Variants in EYA1 observed in about 807,000 individuals in gnomAD.
EYA1 encodes protein phosphatase EYA1.
Under a neutral mutation model 82.0 loss-of-function variants are expected in EYA1, and 16 were observed. The ratio of observed to expected loss-of-function variants is 0.20; its 90% CI spans 0.13 to 0.30. The LOEUF (loss-of-function observed/expected upper bound fraction) is 0.30, where lower values mean the gene tolerates loss of function less well. EYA1 is among the 10% of genes least tolerant of loss of function. The probability of loss-of-function intolerance (pLI) is 1.00; values close to 1 mark genes in which losing one functional copy is unlikely to be tolerated. For synonymous variants in EYA1, 261 were observed against 264.4 expected, an observed-to-expected ratio of 0.99 and a Z score of 0.12; for missense variants, 633 against 730.7, an observed-to-expected ratio of 0.87 and a Z score of 1.54.
chr8:71,494,708 T>A (rs1285841587), intron 2 of EYA1, among the ~76,000 whole-genome samples: 1 of 152,164 alleles, frequency 6.6e-6, no homozygotes, highest in African/African-American at 2.4e-5. Flanking sequence ...AAGGTTTACA[T>A]GCCAAGGGTT....
chr8:71,203,939 A>G (rs1807403366), intron 17 of EYA1, among the ~76,000 whole-genome samples: 1 of 152,230 alleles, frequency 6.6e-6, no homozygotes, highest in Non-Finnish European at 1.5e-5. Flanking sequence ...GGTTTGGGAT[A>G]GCTGAATTCA....
intron 2 of EYA1, among the ~76,000 whole-genome samples, chr8:71,408,152 C>T (rs1286722291): frequency 6.6e-6 from 1 of 151,846 alleles, no homozygotes; most frequent in Non-Finnish European, 1.5e-5. Context: ...AAATAAAATA[C>T]TTTACAGACA....
chr8:71,402,545 A>T (rs1446284934), intron 2 of EYA1, among the ~76,000 whole-genome samples: 1 of 152,246 alleles, frequency 6.6e-6, no homozygotes, highest in Non-Finnish European at 1.5e-5. Flanking sequence ...AATTTAACGT[A>T]TACAATAATG....
intron 2 of EYA1, among the ~76,000 whole-genome samples, chr8:71,462,138 C>A (rs1010763781): frequency 6.6e-6 from 1 of 152,056 alleles, no homozygotes; most frequent in Non-Finnish European, 1.5e-5. Flanking sequence ...GGGGACCCAC[C>A]GCTTCTGCTC....
chr8:71,334,641 C>T (rs1447805601), intron 3 of EYA1, among the ~76,000 whole-genome samples: 3 of 151,840 alleles, frequency 2.0e-5, no homozygotes, highest in African/African-American at 7.3e-5. Context: ...TCCCCCACCA[C>T]ACACACACAC....
At chr8:71,300,539 A>G (rs1327984056) in intron 7 of EYA1, among the ~76,000 whole-genome samples, 3 of 152,204 alleles carry the variant, frequency 2.0e-5, no homozygotes, top group Non-Finnish European at 4.4e-5. Context: ...GGGAATTTAC[A>G]TAGGCACAAT....
chr8:71,379,684 C>T (rs1814506026), intron 2 of EYA1, among the ~76,000 whole-genome samples: 2 of 152,184 alleles, frequency 1.3e-5, no homozygotes, highest in South Asian at 2.1e-4. Context: ...GCCCTCAACA[C>T]TGTACCCACA....
chr8:71,255,383 T>C (rs1186309048), intron 11 of EYA1, among the ~76,000 whole-genome samples: 1 of 152,202 alleles, frequency 6.6e-6, no homozygotes, highest in Non-Finnish European at 1.5e-5. Flanking sequence ...AATGTGGTTC[T>C]GGCAAAAATA....
chr8:71,365,233 T>C (rs974671239), upstream of EYA1, among the ~76,000 whole-genome samples: 54 of 151,940 alleles, frequency 3.6e-4, no homozygotes, highest in Middle Eastern at 3.4e-3. Context: ...CCCTTTTAAT[T>C]CCAATAATGA....
intron 2 of EYA1, among the ~76,000 whole-genome samples, chr8:71,503,755 T>A (rs4737320): frequency 0.079 from 12,075 of 152,224 alleles, 1,347 homozygotes; most frequent in East Asian, 0.49. Flanking sequence ...ACTACTACTT[T>A]GCATGCTCAC....
At chr8:71,258,157 C>T (rs998459130) in intron 11 of EYA1, among the ~76,000 whole-genome samples, 2 of 152,174 alleles carry the variant, frequency 1.3e-5, no homozygotes, top group African/African-American at 4.8e-5. Flanking sequence ...CAAACAGCCT[C>T]CTCTGTTAAT....
intron 12 of EYA1, among the ~76,000 whole-genome samples, chr8:71,238,161 G>A (rs1053857290): frequency 2.6e-5 from 4 of 151,922 alleles, no homozygotes; most frequent in African/African-American, 4.8e-5. Context: ...TTTTAGCATA[G>A]AAGCTGAATA....
intron 11 of EYA1, among the ~76,000 whole-genome samples, chr8:71,257,299 G>T (rs758297062): frequency 9.9e-5 from 15 of 152,052 alleles, no homozygotes; most frequent in Non-Finnish European, 5.9e-5. Flanking sequence ...AGCTGGAGTG[G>T]TTACATTGGG....
intron 4 of EYA1, among the ~76,000 whole-genome samples, chr8:71,329,683 T>C (rs1823591584): frequency 2.0e-5 from 3 of 152,198 alleles, no homozygotes; most frequent in South Asian, 2.1e-4. Flanking sequence ...ATGTGGCACA[T>C]ATTAGGCAAA....
intron 9 of EYA1, among the ~76,000 whole-genome samples, chr8:71,286,806 T>C (rs1333634381): frequency 1.6e-5 from 2 of 124,704 alleles, no homozygotes; most frequent in Admixed American, 9.8e-5. Context: ...AGTTTTTTTT[T>C]TTTTTTTTTT....
intron 2 of EYA1, among the ~76,000 whole-genome samples, chr8:71,368,976 C>T (rs1827922402): frequency 6.9e-6 from 1 of 144,010 alleles, no homozygotes; most frequent in Admixed American, 7.2e-5. Flanking sequence ...ATCACAAGGT[C>T]AGGAGTTCGA....
At chr8:71,481,888 A>T (rs1422917831) in intron 2 of EYA1, among the ~76,000 whole-genome samples, 1 of 152,132 alleles carries the variant, frequency 6.6e-6, no homozygotes, top group Admixed American at 6.5e-5. Flanking sequence ...AAAATATTTT[A>T]GTGGTTGATT....
chr8:71,379,253 C>T lies in EYA1; in HGVS notation c.34-22742G>A, dbSNP rs140471232. On this transcript the variant is annotated intron_variant, in intron 2 of 18. Coordinates refer to the EYA1 transcript ENST00000643681. Reference sequence around the variant, plus strand: ...ACAAGACCATAGAGGACCAGCCACACCTGTACATACTCCTACCCAGGTTTC... The same window carrying T: ...ACAAGACCATAGAGGACCAGCCACATCTGTACATACTCCTACCCAGGTTTC... Among the ~76,000 whole-genome samples, 724 of 152,188 alleles carry T rather than the reference C, an allele frequency of 4.8e-3. 9 individuals are homozygous for T. The highest frequency in any genetic ancestry group is 0.016 in the African/African-American group (656 of 41,510).
chr8:71,451,412 AGAAT>A (rs1807363694), intron 2 of EYA1, among the ~76,000 whole-genome samples: 1 of 152,250 alleles, frequency 6.6e-6, no homozygotes. Context: ...CAGTAAATAA[AGAAT>A]AAGAGCAGAA....
Sources: allele counts gnomAD v4.1 joint callset (sites outside exome capture counted in the v4.1 genomes callset), GRCh38; gene constraint gnomAD v4.1.1; transcripts MANE v1.5; gene names NCBI Gene and HGNC (gene_info 2026-07-23, HGNC 2026-07-21).